The following CPZ variants were observed in gnomAD, a reference collection of about 807,000 sequenced individuals.
CPZ encodes the protein carboxypeptidase Z.
Under a neutral mutation model 61.8 loss-of-function variants are expected in CPZ, and 103 were observed. The ratio of observed to expected loss-of-function variants is 1.67; its 90% CI spans 1.42 to 1.96. The LOEUF (loss-of-function observed/expected upper bound fraction) is 1.96. CPZ is among the 30% of genes most tolerant of loss of function. CPZ has a pLI of 0.00. For missense variants in CPZ, 1,461 were observed against 914.9 expected (o/e 1.60, Z -7.70); for synonymous variants, 551 against 373.7 (o/e 1.47, Z -5.47).
intron 5 of CPZ, among the ~76,000 whole-genome samples, 173 bp downstream of exon 5, chr4:8,606,358 G>A (rs1308049548): frequency 6.6e-6 from 1 of 152,230 alleles, no homozygotes; most frequent in African/African-American, 2.4e-5. Context: ...GAGAAGGAAG[G>A]CACTGAGAAT....
intron 5 of CPZ, 112 bp downstream of exon 5, chr4:8,606,297 GGA>G: frequency 9.1e-7 from 1 of 1,094,114 alleles, no homozygotes; most frequent in Non-Finnish European, 1.3e-6. Context: ...CTCTAGGAGA[GGA>G]GCATTCAGCA....
Position 8,619,393 on chromosome 4 carries a change from T to G in CPZ, c.1735T>G (p.Phe579Val), listed in dbSNP as rs770817663. Reference protein sequence around the residue: ...ARMKRAGRVDFILQPLGMGPK... With the variant: ...ARMKRAGRVDVILQPLGMGPK... ...GATGAAGAGGGCTGGCCGTGTGGAC[T>G]TCATTCTGCAACCTCTGGGGATGGG... The change falls in exon 11 of 11, where the codon TTC (phenylalanine) becomes GTC (valine). Residue 579 changes from phenylalanine to valine, a missense_variant. Transcript: ENST00000360986. The G allele has an allele frequency of 2.5e-6, 4 of 1,614,190 alleles. No individual in the cohort carries two copies. In the South Asian group the frequency reaches 4.4e-5, roughly 18 times the overall value.
intron 5 of CPZ, 141 bp from the exon 6 acceptor site, chr4:8,606,596 G>A: frequency 9.4e-7 from 1 of 1,067,522 alleles, no homozygotes; most frequent in Admixed American, 1.9e-5. Flanking sequence ...CAAGGGTCAG[G>A]CATGCCCCCG....
In CPZ at chr4:8,607,314, C is replaced by T. The variant is rs112822922; in HGVS notation, c.1116C>T (p.Pro372=). 1 of 1,614,134 alleles carries T rather than the reference C, an allele frequency of 6.2e-7. No individual in the cohort carries two copies. Among genetic ancestry groups the T allele is most frequent in the Non-Finnish European group, 8.5e-7 (1 of 1,179,986 alleles). ...KAIMKWMQTI[P]FVLSASLHGG... ...TCATGAAGTGGATGCAGACCATACC[C>T]TTTGTGCTCTCAGCCAGCCTTCATG... Residue 372 remains proline (P), a synonymous_variant, in exon 7 of 11, where the codon CCC becomes CCT. Coordinates refer to ENST00000360986, the MANE Select transcript of CPZ (RefSeq NM_001014447.3).
chr4:8,616,074 T>C (rs774150954), intron 9 of CPZ, among the ~76,000 whole-genome samples: 1 of 152,154 alleles, frequency 6.6e-6, no homozygotes, highest in African/African-American at 2.4e-5. Flanking sequence ...TCCTGGATAT[T>C]ACACATGAAG....
At chr4:8,609,172 C>CTCTCACT (rs1715371197) in intron 7 of CPZ, among the ~76,000 whole-genome samples, 4 of 41,854 alleles carry the variant, frequency 9.6e-5, no homozygotes. Flanking sequence ...ATTCACTCAC[C>CTCTCACT]CATTCACTCA....
intron 7 of CPZ, among the ~76,000 whole-genome samples, chr4:8,608,460 C>A (rs1204207918): frequency 6.6e-6 from 1 of 152,204 alleles, no homozygotes. Flanking sequence ...CATAGCTGGG[C>A]CCCTGGTTGG....
chr4:8,599,437 A>T lies in CPZ; in HGVS notation c.89-16A>T, dbSNP rs1714410867. On this transcript the variant is annotated splice_polypyrimidine_tract_variant and intron_variant, in intron 1 of 10. Transcript: ENST00000360986. ...GGCGAGGCAGGTCCCTAACAGTGCC[A>T]TGTCTCTCTTTCCAGGTGAATGCCA... The T allele has an allele frequency of 6.2e-7, 1 of 1,604,916 alleles. No homozygotes were observed. Among genetic ancestry groups the T allele is most frequent in the South Asian group, 1.1e-5 (1 of 89,780 alleles).
At position 8,603,711 on chromosome 4, in the gene CPZ, A is replaced by G. The variant is rs572661562; in HGVS notation, c.497-265A>G. On this transcript the variant is annotated intron_variant, in intron 3 of 10. Transcript: ENST00000360986. ...TTTCTGTTGTCCTGCTCCGTATTTT[A>G]GGAGCTTCCCACAGTGGCCCCATAG... 1.5e-5 allele frequency: 8 copies of G among 546,870 alleles called. No homozygotes were observed. In the East Asian group the frequency reaches 2.2e-4, roughly 15 times the overall value. 33.9% of individuals were successfully genotyped at this position (546,870 alleles called of 1,614,324 possible).
At chr4:8,616,489 C>T (rs1313131228) in intron 9 of CPZ, among the ~76,000 whole-genome samples, 1 of 152,198 alleles carries the variant, frequency 6.6e-6, no homozygotes, top group South Asian at 2.1e-4. Flanking sequence ...GAGACCAGGG[C>T]TGGCAGAGAG....
Position 8,604,001 on chromosome 4 carries a change from G to A in CPZ, c.522G>A (p.Leu174=), listed in dbSNP as rs757058085. ...LRGGLEADEA[L]PSGLPPTFIR... ...GAGGCCTGGAGGCTGACGAGGCACT[G>A]CCCTCAGGGCTGCCGCCCACCTTCA... The change falls in exon 4 of 11, where the codon CTG becomes CTA. Residue 174 remains leucine (L), a synonymous_variant. Transcript: ENST00000360986. 8.7e-6 allele frequency: 14 copies of A among 1,611,984 alleles called. No individual in the cohort carries two copies. Among genetic ancestry groups the A allele is most frequent in the Non-Finnish European group, 1.1e-5 (13 of 1,179,814 alleles).
At chr4:8,612,200 G>GT in intron 8 of CPZ, 38 bp downstream of exon 8, 1 of 348,880 alleles carries the variant, frequency 2.9e-6, no homozygotes, top group Non-Finnish European at 4.8e-6. Context: ...CGGGGGGTGG[G>GT]GGGTGCAGGG....
chr4:8,612,468 C>T (rs1168092190), intron 8 of CPZ, among the ~76,000 whole-genome samples: 4 of 152,154 alleles, frequency 2.6e-5, no homozygotes, highest in Admixed American at 1.3e-4. Flanking sequence ...GTGGAGTTGC[C>T]AGATGAAATG....
chr4:8,611,247 C>T (rs1384672061), intron 7 of CPZ: 4 of 456,160 alleles, frequency 8.8e-6, no homozygotes, highest in African/African-American at 2.0e-5. Context: ...GCCTGCCTGA[C>T]CCACCAGGAG....
chr4:8,605,153 T>A (rs971696601), intron 4 of CPZ, among the ~76,000 whole-genome samples: 3 of 152,202 alleles, frequency 2.0e-5, no homozygotes, highest in South Asian at 4.1e-4. Flanking sequence ...CACGGGTGTT[T>A]CCTCTCATCC....
intron 7 of CPZ, among the ~76,000 whole-genome samples, chr4:8,609,331 TTTCAC>T (rs1435042735): frequency 2.0e-5 from 3 of 150,506 alleles, no homozygotes; most frequent in Non-Finnish European, 3.0e-5. Context: ...TCACTCACTT[TTTCAC>T]TCACTCATTC....
chr4:8,612,306 A>C (rs1715779406), intron 8 of CPZ, 144 bp downstream of exon 8: 1 of 715,422 alleles, frequency 1.4e-6, no homozygotes, highest in Non-Finnish European at 2.2e-6. Context: ...CCTGGTGGAG[A>C]GGAGGCTGGC....
intron 1 of CPZ, among the ~76,000 whole-genome samples, chr4:8,598,473 G>C (rs1714339851): frequency 6.6e-6 from 1 of 152,230 alleles, no homozygotes; most frequent in Admixed American, 6.5e-5. Context: ...AGGCAGGCAG[G>C]CCTTTTCCTC....
At chr4:8,611,174 T>A (rs1455196802) in intron 7 of CPZ, 2 of 444,222 alleles carry the variant, frequency 4.5e-6, no homozygotes, top group African/African-American at 4.0e-5. Flanking sequence ...GGGAGCCCCC[T>A]CCTCAGCACA....
Sources: gnomAD v4.1 joint callset for allele counts (sites outside exome capture counted in the v4.1 genomes callset) on GRCh38, gnomAD v4.1.1 for gene constraint, MANE v1.5 for transcripts, NCBI Gene and HGNC (gene_info 2026-07-23, HGNC 2026-07-21) for gene names.